The following LARGE1 variants were observed in gnomAD, a reference collection of about 807,000 sequenced individuals.
LARGE1 encodes the protein LARGE xylosyl- and glucuronyltransferase 1.
Under a neutral mutation model 87.6 loss-of-function variants are expected in LARGE1, and 43 were observed. That is an observed-to-expected ratio of 0.49 (90% confidence interval 0.38 to 0.63). LARGE1 has a LOEUF of 0.63. LARGE1 is among the 30% of genes least tolerant of loss of function. LARGE1 has a pLI of 0.00. For synonymous variants in LARGE1, 434 were observed against 394.6 expected (o/e 1.10, Z -1.18); for missense variants, 802 against 1,000.2 (o/e 0.80, Z 2.67).
intron 1 of LARGE1, among the ~76,000 whole-genome samples, chr22:33,911,549 A>G (rs1275898062): frequency 6.6e-6 from 1 of 152,136 alleles, no homozygotes; most frequent in African/African-American, 2.4e-5. Flanking sequence ...CACCTAAGTC[A>G]TTTCATAATC....
intron 1 of LARGE1, among the ~76,000 whole-genome samples, chr22:33,826,380 T>G (rs1169637437): frequency 6.6e-6 from 1 of 150,450 alleles, no homozygotes; most frequent in African/African-American, 2.5e-5. Context: ...TCTCGCTCTG[T>G]CGCACAGGCT....
At chr22:33,438,981 TG>T (rs2067371910) in intron 6 of LARGE1, among the ~76,000 whole-genome samples, 1 of 151,994 alleles carries the variant, frequency 6.6e-6, no homozygotes, top group South Asian at 2.1e-4. Context: ...GAGGCCAAGG[TG>T]GGTGGATCAC....
At chr22:33,356,029 C>T (rs976881625) in intron 9 of LARGE1, among the ~76,000 whole-genome samples, 6 of 92,056 alleles carry the variant, frequency 6.5e-5, no homozygotes, top group Non-Finnish European at 1.3e-4. Flanking sequence ...TCCGCTCTCC[C>T]CATCCTCCTC....
chr22:33,379,878 A>G (rs2065104511), intron 9 of LARGE1, among the ~76,000 whole-genome samples: 1 of 152,114 alleles, frequency 6.6e-6, no homozygotes, highest in Admixed American at 6.5e-5. Flanking sequence ...ACACAATAAA[A>G]GCTGTTCTTA....
At chr22:33,638,931 C>G (rs1395161881) in intron 3 of LARGE1, among the ~76,000 whole-genome samples, 1 of 152,186 alleles carries the variant, frequency 6.6e-6, no homozygotes, top group Admixed American at 6.5e-5. Flanking sequence ...TCCATAATAA[C>G]AATATCCATT....
chr22:33,921,297 C>A (rs1339719489), upstream of LARGE1, among the ~76,000 whole-genome samples: 1 of 152,162 alleles, frequency 6.6e-6, no homozygotes, highest in African/African-American at 2.4e-5. This position sits in a 1 kb window ranked among gnomAD's most constrained non-coding sequence, Gnocchi z 4.1. Flanking sequence ...AGGGTGCAAG[C>A]TGGGAGCTCC....
chr22:33,325,857 G>A (rs886915191), intron 10 of LARGE1, among the ~76,000 whole-genome samples: 9 of 152,162 alleles, frequency 5.9e-5, no homozygotes, highest in Non-Finnish European at 1.0e-4. Context: ...CCTCCCCAGC[G>A]CTTGCATGAG....
At chr22:33,168,049 AGTGG>A (rs1922367204) in intron 11 of LARGE1, among the ~76,000 whole-genome samples, 1 of 152,162 alleles carries the variant, frequency 6.6e-6, no homozygotes, top group Non-Finnish European at 1.5e-5. Flanking sequence ...TTTTCCTTTT[AGTGG>A]GTGAACTTTC....
chr22:33,707,310 T>C (rs572210230), intron 2 of LARGE1, among the ~76,000 whole-genome samples: 3 of 152,350 alleles, frequency 2.0e-5, no homozygotes, highest in East Asian at 1.9e-4. Context: ...ATTAGTAAAA[T>C]ACAGGGAGTA....
intron 6 of LARGE1, among the ~76,000 whole-genome samples, chr22:33,459,356 T>C (rs2068272392): frequency 6.6e-6 from 1 of 151,926 alleles, no homozygotes; most frequent in South Asian, 2.1e-4. Flanking sequence ...CTGCTCTCAA[T>C]GTGGATCGAG....
chr22:33,673,779 C>A (rs925880784), intron 2 of LARGE1, among the ~76,000 whole-genome samples: 8 of 152,170 alleles, frequency 5.3e-5, no homozygotes, highest in African/African-American at 1.7e-4. Flanking sequence ...CTCACTGCAG[C>A]CTCTGCTTCC....
chr22:33,360,314 A>G (rs2146881145), intron 9 of LARGE1, among the ~76,000 whole-genome samples: 1 of 149,226 alleles, frequency 6.7e-6, no homozygotes, highest in African/African-American at 2.5e-5. Flanking sequence ...CTGTGTCTCC[A>G]AAAACAAAAA....
At chr22:33,811,498 G>A (rs906900939) in intron 1 of LARGE1, among the ~76,000 whole-genome samples, 2 of 152,142 alleles carry the variant, frequency 1.3e-5, no homozygotes, top group East Asian at 3.8e-4. Flanking sequence ...CCTGAGTCTT[G>A]AAGGATTACT....
intron 11 of LARGE1, among the ~76,000 whole-genome samples, chr22:33,247,813 A>G (rs1369038399): frequency 6.6e-6 from 1 of 152,230 alleles, no homozygotes. Context: ...CAAGCTAGAC[A>G]TAGATAACCT....
chr22:33,380,800 T>G (rs1241201504), intron 9 of LARGE1, among the ~76,000 whole-genome samples: 2 of 152,250 alleles, frequency 1.3e-5, no homozygotes, highest in African/African-American at 2.4e-5. Flanking sequence ...GAACAAATTC[T>G]TTAAGGATGC....
chr22:33,896,736 G>T (rs1243709075), intron 1 of LARGE1, among the ~76,000 whole-genome samples: 1 of 152,178 alleles, frequency 6.6e-6, no homozygotes, highest in African/African-American at 2.4e-5. Context: ...TGGTGTGCTT[G>T]ACTTTTGCTG....
At chr22:33,705,886 G>A (rs2082547891) in intron 2 of LARGE1, among the ~76,000 whole-genome samples, 4 of 152,164 alleles carry the variant, frequency 2.6e-5, no homozygotes, top group Admixed American at 1.3e-4. Context: ...ATTGTGTAAG[G>A]CACTTGCATT....
At chr22:33,779,580 G>C (rs1000488235) in intron 1 of LARGE1, among the ~76,000 whole-genome samples, 1 of 152,002 alleles carries the variant, frequency 6.6e-6, no homozygotes, top group African/African-American at 2.4e-5. Flanking sequence ...AAGAGTTGGA[G>C]ACCAGCCTGT....
intron 3 of LARGE1, among the ~76,000 whole-genome samples, chr22:33,643,589 C>T (rs1221151348): frequency 6.6e-6 from 1 of 151,848 alleles, no homozygotes; most frequent in Non-Finnish European, 1.5e-5. Flanking sequence ...GATAGAGACA[C>T]AAAAAACCCT....
Sources: allele counts gnomAD v4.1 joint callset (sites outside exome capture counted in the v4.1 genomes callset), GRCh38; gene constraint gnomAD v4.1.1; non-coding constraint Gnocchi (gnomAD v3.1); transcripts MANE v1.5; gene names NCBI Gene and HGNC (gene_info 2026-07-23, HGNC 2026-07-21).